TMEM266: variants seen among roughly 807,000 people sequenced by gnomAD.
TMEM266 encodes the protein Hv1 related protein 1.
A neutral mutation model predicts 50.5 loss-of-function variants in TMEM266; 33 were observed. That is an observed-to-expected ratio of 0.65 (90% CI 0.50 to 0.87). TMEM266 has a LOEUF of 0.87. Among genes scored for constraint, TMEM266 ranks in the 40% least tolerant of loss-of-function variants. The pLI, the probability that TMEM266 is intolerant of heterozygous loss-of-function variation, is 0.00. For missense variants in TMEM266, 655 were observed against 695.1 expected, an observed-to-expected ratio of 0.94 and a Z score of 0.65; for synonymous variants, 310 against 292.3, an observed-to-expected ratio of 1.06 and a Z score of -0.62.
At chr15:76,164,237 ACT>A (rs925886420) in intron 5 of TMEM266, among the ~76,000 whole-genome samples, 10 of 152,048 alleles carry the variant, frequency 6.6e-5, no homozygotes, top group Non-Finnish European at 1.3e-4. Context: ...ACAGGGTCTC[ACT>A]CTGTCACCCA....
At chr15:76,079,214 G>T (rs564773851) in intron 1 of TMEM266, among the ~76,000 whole-genome samples, 286 of 151,182 alleles carry the variant, frequency 1.9e-3, no homozygotes, top group Non-Finnish European at 3.1e-3. Context: ...TTAGCCAGGC[G>T]TGGTGGCACA....
In TMEM266 at chr15:76,204,238, A is replaced by C; in HGVS notation, c.1519A>C (p.Thr507Pro). 1 of 1,613,936 alleles carries C rather than the reference A, an allele frequency of 6.2e-7. No homozygotes were observed. The highest frequency in any genetic ancestry group is 1.1e-5 in the South Asian group (1 of 91,074). Residue 507 changes from threonine (T) to proline (P), a missense_variant, in exon 11 of 11, where the codon ACT becomes CCT. Thr to Pro is a conservative substitution (Grantham distance 38, BLOSUM62 -1). Transcript: ENST00000388942. The stretch of plus-strand genomic sequence containing the variant: ...CAGGCCTGTCATCCACTTCCAGCCC[A>C]CTGTGCCCATGCTGGAGGACAAGTT...
intron 1 of TMEM266, among the ~76,000 whole-genome samples, chr15:76,131,429 T>G (rs1056872690): frequency 4.6e-5 from 7 of 152,200 alleles, no homozygotes; most frequent in Non-Finnish European, 8.8e-5. Flanking sequence ...AACACCATTC[T>G]GGAAAGAAGG....
chr15:76,192,168 G>T lies in TMEM266; in HGVS notation c.958+11G>T, dbSNP rs2038585880. 7.2e-7 allele frequency: 1 copy of T among 1,394,374 alleles called. No homozygotes were observed. Among genetic ancestry groups the T allele is most frequent in the East Asian group, 3.0e-5 (1 of 33,094 alleles). 86.4% of individuals were successfully genotyped at this position (1,394,374 alleles called of 1,614,324 possible). ...TGCAGCCCTCGCAAGGTAAGCCCGG[G>T]TCTCCACCCGGCCCCAGAGTGTCAC... On this transcript the variant is annotated intron_variant, in intron 9 of 10. Coordinates refer to ENST00000388942, the MANE Select transcript of TMEM266 (RefSeq NM_152335.3).
At chr15:76,192,191 C>G in intron 9 of TMEM266, 34 bp downstream of exon 9, 1 of 1,387,574 alleles carries the variant, frequency 7.2e-7, no homozygotes, top group East Asian at 3.0e-5. Flanking sequence ...CCCAGAGTGT[C>G]ACGGCCGGGG....
intron 4 of TMEM266, among the ~76,000 whole-genome samples, chr15:76,159,506 G>A (rs1567171125): frequency 6.6e-6 from 1 of 152,092 alleles, no homozygotes; most frequent in Non-Finnish European, 1.5e-5. Flanking sequence ...ATCTAGGGAG[G>A]GAGGCAGACA....
At position 76,075,837 on chromosome 15, in the gene TMEM266, C is replaced by CTTTTTTTTTTT. The variant is rs71140194; in HGVS notation, c.-97+15848_-97+15858dup. Among the ~76,000 whole-genome samples the CTTTTTTTTTTT allele has an allele frequency of 1.7e-4, 4 of 23,596 alleles. 2 individuals are homozygous for CTTTTTTTTTTT. Among genetic ancestry groups the CTTTTTTTTTTT allele is most frequent in the Non-Finnish European group, 3.6e-4 (4 of 11,154 alleles). The allele number at this position is 23,596 out of a possible 152,430, so 15.5% of individuals were successfully genotyped here. On this transcript the variant is annotated intron_variant, in intron 1 of 10. Coordinates refer to ENST00000388942, the MANE Select transcript of TMEM266 (RefSeq NM_152335.3). ...CTGGAGGAGAATGAAGAGAAGGCAG[C>CTTTTTTTTTTT]TTTTTTTTTTTTTTTTTTTTTTTTT...
intron 8 of TMEM266, among the ~76,000 whole-genome samples, chr15:76,188,216 G>A (rs937624486): frequency 1.3e-5 from 2 of 152,142 alleles, no homozygotes; most frequent in African/African-American, 4.8e-5. Context: ...AAAGGAAAGA[G>A]GTTTAATTGA....
intron 1 of TMEM266, among the ~76,000 whole-genome samples, chr15:76,123,323 A>G (rs1330439659): frequency 6.6e-6 from 1 of 152,234 alleles, no homozygotes; most frequent in African/African-American, 2.4e-5. Flanking sequence ...CATCAAGCAC[A>G]AGAAATACAA....
chr15:76,087,453 G>A (rs2036792651), intron 1 of TMEM266, among the ~76,000 whole-genome samples: 1 of 152,146 alleles, frequency 6.6e-6, no homozygotes, highest in African/African-American at 2.4e-5. Flanking sequence ...GTTTTAGGGG[G>A]AGATTTTTGG....
intron 1 of TMEM266, among the ~76,000 whole-genome samples, chr15:76,114,892 A>C (rs1356948907): frequency 6.6e-6 from 1 of 152,226 alleles, no homozygotes; most frequent in African/African-American, 2.4e-5. Context: ...TATAAATGGA[A>C]TCACACAATA....
chr15:76,197,060 C>T (rs950098078), intron 9 of TMEM266, among the ~76,000 whole-genome samples: 1 of 152,244 alleles, frequency 6.6e-6, no homozygotes. Context: ...TCCAGAGACA[C>T]TGCCGCAGGG....
chr15:76,171,960 A>G (rs956265205), intron 7 of TMEM266, among the ~76,000 whole-genome samples: 4 of 152,304 alleles, frequency 2.6e-5, no homozygotes, highest in Admixed American at 2.6e-4. Context: ...CAGAGGCAGG[A>G]CACTGAAGTC....
intron 9 of TMEM266, among the ~76,000 whole-genome samples, chr15:76,201,681 C>G (rs1243682954): frequency 6.6e-6 from 1 of 152,116 alleles, no homozygotes; most frequent in Non-Finnish European, 1.5e-5. Flanking sequence ...AGCACCCCAC[C>G]TCCCCAGGTC....
chr15:76,154,090 C>T (rs1436670805), intron 3 of TMEM266, among the ~76,000 whole-genome samples: 1 of 152,216 alleles, frequency 6.6e-6, no homozygotes, highest in Non-Finnish European at 1.5e-5. Flanking sequence ...CAGCCGCCCT[C>T]ACCAGGCCCT....
At chr15:76,119,154 T>C (rs1259048065) in intron 1 of TMEM266, among the ~76,000 whole-genome samples, 1 of 152,132 alleles carries the variant, frequency 6.6e-6, no homozygotes, top group Non-Finnish European at 1.5e-5. Flanking sequence ...CTAGCCTATA[T>C]ATTGATATAC....
chr15:76,114,003 C>T (rs1246272574), intron 1 of TMEM266: 1 of 152,188 alleles, frequency 6.6e-6, no homozygotes, highest in Non-Finnish European at 1.5e-5. Flanking sequence ...GTTACAAGGA[C>T]CCAGACAGTT....
chr15:76,063,721 A>T (rs904150147), intron 1 of TMEM266, among the ~76,000 whole-genome samples: 1 of 151,502 alleles, frequency 6.6e-6, no homozygotes, highest in Non-Finnish European at 1.5e-5. Flanking sequence ...TATTTTGTTC[A>T]CTCCCCCAAC....
chr15:76,113,873 C>T (rs923258462), intron 1 of TMEM266: 1 of 151,858 alleles, frequency 6.6e-6, no homozygotes, highest in African/African-American at 2.4e-5. Flanking sequence ...CGTGCCACTG[C>T]ACTCCAGCCT....
Sources: allele counts gnomAD v4.1 joint callset (sites outside exome capture counted in the v4.1 genomes callset), GRCh38; gene constraint gnomAD v4.1.1; transcripts MANE v1.5; gene names NCBI Gene and HGNC (gene_info 2026-07-23, HGNC 2026-07-21).